DOCK1: variants seen among roughly 807,000 people sequenced by gnomAD.
DOCK1 encodes the protein dedicator of cytokinesis protein 1.
Under a neutral mutation model 262.7 loss-of-function variants are expected in DOCK1, and 138 were observed. The ratio of observed to expected loss-of-function variants is 0.53; its 90% CI spans 0.46 to 0.61. The LOEUF is 0.61. Among genes scored for constraint, DOCK1 ranks in the 20% least tolerant of loss-of-function variants. The pLI is 0.00. For synonymous variants in DOCK1, 866 were observed against 867.4 expected, an observed-to-expected ratio of 1.00 and a Z score of 0.03; for missense variants, 1,908 against 2,370.7, an observed-to-expected ratio of 0.80 and a Z score of 4.05.
chr10:127,171,561 GC>G (rs1265513521), intron 27 of DOCK1, among the ~76,000 whole-genome samples: 2 of 152,156 alleles, frequency 1.3e-5, no homozygotes, highest in Non-Finnish European at 1.5e-5. Flanking sequence ...TCTTCTGAAT[GC>G]AGATGAAATT....
chr10:127,225,668 TC>T (rs769927669), intron 27 of DOCK1, among the ~76,000 whole-genome samples: 2 of 152,226 alleles, frequency 1.3e-5, no homozygotes, highest in Non-Finnish European at 2.9e-5. Flanking sequence ...AACTGTTGGA[TC>T]CCTAGCTTAG....
At chr10:127,352,852 CA>C (rs2063951931) in intron 31 of DOCK1, among the ~76,000 whole-genome samples, 1 of 152,154 alleles carries the variant, frequency 6.6e-6, no homozygotes, top group South Asian at 2.1e-4. Context: ...CTCGGCCTCC[CA>C]AAGTGCTGGG....
chr10:126,977,166 CCCTAGGCCTTTGCAGGGGCAGTT>C, intron 2 of DOCK1, among the ~76,000 whole-genome samples: 1 of 152,116 alleles, frequency 6.6e-6, no homozygotes, highest in Non-Finnish European at 1.5e-5. Context: ...GACGGTAGAC[CCCTAGGCCTTTGCAGGGGCAGTT>C]CCTGTCCTCA....
At chr10:127,331,813 A>T (rs573168773) in intron 29 of DOCK1, among the ~76,000 whole-genome samples, 1 of 152,346 alleles carries the variant, frequency 6.6e-6, no homozygotes, top group South Asian at 2.1e-4. Flanking sequence ...GGTATACACG[A>T]TGTGGCATAT....
intron 25 of DOCK1, among the ~76,000 whole-genome samples, chr10:127,113,757 T>G (rs996799605): frequency 2.6e-5 from 4 of 152,182 alleles, no homozygotes; most frequent in African/African-American, 9.7e-5. Flanking sequence ...CTGGCCTGAA[T>G]GAGGACACCA....
intron 1 of DOCK1, among the ~76,000 whole-genome samples, chr10:126,914,885 T>G (rs2032279847): frequency 6.6e-6 from 1 of 152,238 alleles, no homozygotes; most frequent in Admixed American, 6.5e-5. Context: ...CTCTGGCTCC[T>G]TTGACCCTGC....
At chr10:127,352,998 C>T (rs1440943805) in intron 31 of DOCK1, among the ~76,000 whole-genome samples, 2 of 152,072 alleles carry the variant, frequency 1.3e-5, no homozygotes, top group East Asian at 1.9e-4. Flanking sequence ...CATGCTAGGC[C>T]GATCCCACTG....
At chr10:127,209,007 C>T (rs186425841) in intron 27 of DOCK1, among the ~76,000 whole-genome samples, 28 of 152,186 alleles carry the variant, frequency 1.8e-4, no homozygotes, top group African/African-American at 6.5e-4. Context: ...GTTTACCTAG[C>T]GATGAAAAGC....
chr10:127,114,507 GTC>G (rs1444152644), intron 25 of DOCK1, among the ~76,000 whole-genome samples: 8 of 152,102 alleles, frequency 5.3e-5, no homozygotes, highest in Admixed American at 5.2e-4. Context: ...GGTGTGAAGA[GTC>G]TTCTCTGAGC....
At chr10:126,933,199 G>A (rs1204368988) in intron 1 of DOCK1, among the ~76,000 whole-genome samples, 2 of 152,148 alleles carry the variant, frequency 1.3e-5, no homozygotes, top group African/African-American at 2.4e-5. Flanking sequence ...TGAGGTGAAA[G>A]TACAACTTTA....
At chr10:127,334,189 G>A (rs186058292) in intron 29 of DOCK1, among the ~76,000 whole-genome samples, 8 of 152,172 alleles carry the variant, frequency 5.3e-5, no homozygotes, top group African/African-American at 1.9e-4. Flanking sequence ...TGGTGGTGTT[G>A]AACAACGTTC....
At chr10:126,990,139 A>T (rs1217661221) in intron 5 of DOCK1, among the ~76,000 whole-genome samples, 4 of 152,220 alleles carry the variant, frequency 2.6e-5, no homozygotes. Flanking sequence ...CAGGAAGCTC[A>T]CGAGCAGGTG....
At chr10:127,377,451 TAATAA>T (rs953711792) in intron 35 of DOCK1, among the ~76,000 whole-genome samples, 9 of 152,268 alleles carry the variant, frequency 5.9e-5, no homozygotes, top group Middle Eastern at 3.4e-3. Context: ...AAAATTAAAT[TAATAA>T]AATAAAGAAC....
rs1223154794 is a variant in DOCK1 at position 127,328,584 on chromosome 10, AGGACGGCAGGGACGCCAG to A, written c.3045-10409_3045-10392del. On this transcript the variant is annotated intron_variant, in intron 29 of 51. Transcript: ENST00000623213. ...GATGGCAGGGACGCCAGGGACAGCA[AGGACGGCAGGGACGCCAG>A]GGACGGCAGGGATGCGAGGGACGGC... Among the ~76,000 whole-genome samples, 9 of 151,874 alleles carry A rather than the reference AGGACGGCAGGGACGCCAG, an allele frequency of 5.9e-5. No individual in the cohort carries two copies. The South Asian group carries it at 6.3e-4, about 11-fold the overall frequency.
intron 23 of DOCK1, among the ~76,000 whole-genome samples, chr10:127,077,997 G>A (rs2046669698): frequency 6.6e-6 from 1 of 152,078 alleles, no homozygotes; most frequent in African/African-American, 2.4e-5. Flanking sequence ...GTGGAGGCAG[G>A]CAGCCTCGTT....
intron 1 of DOCK1, among the ~76,000 whole-genome samples, chr10:126,949,947 G>A (rs1384446623): frequency 1.3e-5 from 2 of 152,144 alleles, no homozygotes; most frequent in East Asian, 3.9e-4. Context: ...ATGCAGTGTT[G>A]TGGCTAGGGA....
At position 127,176,001 on chromosome 10, in the gene DOCK1, G is replaced by A; in HGVS notation, c.2847+48237G>A. On this transcript the variant is annotated intron_variant, in intron 27 of 51. Coordinates refer to ENST00000623213, the MANE Select transcript of DOCK1 (RefSeq NM_001290223.2). The surrounding 1 kb of genome is among the most constrained non-coding windows in gnomAD (Gnocchi z 4.4). ...GTTTTGGCTTTTAAAGGGATCTGCA[G>A]CTGGGAGGCTTTTGAGGTTCCCCTT... 2 of 1,614,198 alleles carry A rather than the reference G, an allele frequency of 1.2e-6. No homozygotes were observed. Among genetic ancestry groups the A allele is most frequent in the Middle Eastern group, 1.6e-4 (1 of 6,062 alleles).
chr10:126,918,808 G>A (rs1027513266), intron 1 of DOCK1, among the ~76,000 whole-genome samples: 2 of 152,192 alleles, frequency 1.3e-5, no homozygotes, highest in African/African-American at 4.8e-5. Flanking sequence ...TAGCAGCAAA[G>A]TCAGCGAAGT....
intron 26 of DOCK1, among the ~76,000 whole-genome samples, chr10:127,126,955 C>T (rs1166581086): frequency 1.3e-5 from 2 of 152,184 alleles, no homozygotes; most frequent in Non-Finnish European, 2.9e-5. Context: ...TCACCTCTTA[C>T]AGGGGCATTG....
Sources: allele counts gnomAD v4.1 joint callset (sites outside exome capture counted in the v4.1 genomes callset), GRCh38; gene constraint gnomAD v4.1.1; non-coding constraint Gnocchi (gnomAD v3.1); transcripts MANE v1.5; gene names NCBI Gene and HGNC (gene_info 2026-07-23, HGNC 2026-07-21).